Variants in CMA1 observed in about 807,000 individuals in gnomAD.
CMA1 encodes the protein chymase 1.
A neutral mutation model predicts 18.8 loss-of-function variants in CMA1; 24 were observed. The ratio of observed to expected loss-of-function variants is 1.28; its 90% CI spans 0.92 to 1.80. The LOEUF (loss-of-function observed/expected upper bound fraction) is 1.80, where lower values mean the gene tolerates loss of function less well. Among genes scored for constraint, CMA1 ranks in the 40% most tolerant of loss-of-function variants. The pLI is 0.00. For missense variants in CMA1, 421 were observed against 302.8 expected (o/e 1.39, Z -2.90); for synonymous variants, 152 against 117.0 (o/e 1.30, Z -1.93).
Position 24,506,090 on chromosome 14 carries a change from C to A in CMA1, c.538G>T (p.Asp180Tyr). Residue 180 changes from aspartate to tyrosine, a missense_variant, in exon 4 of 5, where the codon GAC becomes TAC. Physicochemically the swap from Asp to Tyr is radical, Grantham distance 160. Transcript: ENST00000250378. ...MDPQACSHFR[D>Y]FDHNLQLCVG... Reference sequence around the variant, plus strand: ...CACAGCTGAAGATTGTGGTCAAAGTCTCTGAAGTGGCTGCAGGCCTGGGGA... The same window carrying A: ...CACAGCTGAAGATTGTGGTCAAAGTATCTGAAGTGGCTGCAGGCCTGGGGA... The A allele has an allele frequency of 1.2e-6, 2 of 1,614,246 alleles. No individual in the cohort carries two copies. Among genetic ancestry groups the A allele is most frequent in the Non-Finnish European group, 8.5e-7 (1 of 1,180,036 alleles).
intron 4 of CMA1, 114 bp from the exon 5 acceptor site, chr14:24,505,773 C>T (rs1161807409): frequency 1.3e-5 from 17 of 1,325,948 alleles, no homozygotes; most frequent in Non-Finnish European, 1.7e-5. Context: ...GGTGGAGCTC[C>T]TCACTTATAC....
intron 2 of CMA1, 53 bp downstream of exon 2, chr14:24,507,303 C>G: frequency 6.2e-7 from 1 of 1,608,042 alleles, no homozygotes; most frequent in South Asian, 1.1e-5. Context: ...TTCCTGGATG[C>G]TACTCTGGTT....
rs747715956 is a variant in CMA1, at chr14:24,506,543, G to A, written c.271C>T (p.Leu91Phe). Residue 91 changes from leucine (L) to phenylalanine (F), a missense_variant, in exon 3 of 5, where the codon CTT becomes TTT. By Grantham distance (22) the Leu-to-Phe change is conservative. Coordinates refer to ENST00000250378, the MANE Select transcript of CMA1 (RefSeq NM_001836.5). ...TGACGGAATTGCTTTATAACCTCAA[G>A]CTTCTGCCATGTGTCTTCTTCCTCT... is the stretch of plus-strand genomic sequence containing the variant. ...ITEEEDTWQK[L>F]EVIKQFRHPK... The A allele has an allele frequency of 1.1e-5, 17 of 1,613,878 alleles. No homozygotes were observed. Among genetic ancestry groups the A allele is most frequent in the Non-Finnish European group, 1.1e-5 (13 of 1,179,858 alleles).
intron 2 of CMA1, 140 bp downstream of exon 2, chr14:24,507,216 T>G: frequency 1.0e-6 from 1 of 968,086 alleles, no homozygotes; most frequent in Non-Finnish European, 1.6e-6. Flanking sequence ...CAGACTAAAG[T>G]CTTTCAGCCC....
In CMA1 at chr14:24,506,294, A is replaced by G; in HGVS notation, c.346-12T>C. 6.2e-7 allele frequency: 1 copy of G among 1,612,728 alleles called. No individual in the cohort carries two copies. The highest frequency in any genetic ancestry group is 2.2e-5 in the East Asian group (1 of 44,862). ...GCTTTCTCCTTCAACTGTGAAGGGA[A>G]TGAAGGACTGTCAGTCCTCGAAATG... On this transcript the variant is annotated splice_polypyrimidine_tract_variant and intron_variant, in intron 3 of 4. Coordinates refer to ENST00000250378, the MANE Select transcript of CMA1 (RefSeq NM_001836.5).
At chr14:24,507,256 A>C (rs2043865103) in intron 2 of CMA1, 100 bp downstream of exon 2, 2 of 1,415,776 alleles carry the variant, frequency 1.4e-6, no homozygotes, top group East Asian at 4.6e-5. Flanking sequence ...AGTTGACAAG[A>C]CCCAGGACCC....
chr14:24,507,540 CATAG>C, intron 1 of CMA1, 34 bp from the exon 2 acceptor site: 1 of 1,589,858 alleles, frequency 6.3e-7, no homozygotes, highest in South Asian at 1.2e-5. Flanking sequence ...TGAACACGGC[CATAG>C]ATACTCTCTC....
rs756609116 is a variant in CMA1, at chr14:24,506,142, C to T, written c.486G>A (p.Leu162=). Residue 162 remains leucine, a synonymous_variant, in exon 4 of 5, where the codon CTG becomes CTA. Coordinates refer to ENST00000250378, the MANE Select transcript of CMA1 (RefSeq NM_001836.5). ...TGVLKPGSDT[L]QEVKLRLMDP... ...CCATGAGTCTCAGCTTCACCTCTTG[C>T]AGAGTGTCTGAGCCCGGCTTCAACA... 2.5e-6 allele frequency: 4 copies of T among 1,614,198 alleles called. No individual in the cohort carries two copies. Among genetic ancestry groups the T allele is most frequent in the Non-Finnish European group, 3.4e-6 (4 of 1,180,044 alleles).
In CMA1 at chr14:24,507,426, G is replaced by C; in HGVS notation, c.139C>G (p.Pro47Ala). The change falls in exon 2 of 5, where the codon CCC (proline) becomes GCC (alanine). Residue 47 changes from proline (P) to alanine (A), a missense_variant. Coordinates refer to ENST00000250378, the MANE Select transcript of CMA1 (RefSeq NM_001836.5). ...AYLEIVTSNGPSKFCGGFLIR... is the reference protein window; with the variant it reads ...AYLEIVTSNGASKFCGGFLIR... Reference sequence around the variant, plus strand: ...AGGAAACCACCACAAAATTTTGAGGGACCGTTGGAAGTTACAATTTCCAGG... The same window carrying C: ...AGGAAACCACCACAAAATTTTGAGGCACCGTTGGAAGTTACAATTTCCAGG... 6.2e-7 allele frequency: 1 copy of C among 1,614,168 alleles called. No homozygotes were observed. The highest frequency in any genetic ancestry group is 8.5e-7 in the Non-Finnish European group (1 of 1,180,026).
In CMA1 at chr14:24,506,522, G is replaced by T; in HGVS notation, c.292C>A (p.Arg98Ser). The T allele has an allele frequency of 1.2e-6, 2 of 1,614,104 alleles. No individual in the cohort carries two copies. Among genetic ancestry groups the T allele is most frequent in the Non-Finnish European group, 1.7e-6 (2 of 1,179,994 alleles). The change falls in exon 3 of 5, where the codon CGT becomes AGT. Residue 98 changes from arginine to serine, a missense_variant. Transcript: ENST00000250378. ...WQKLEVIKQF[R>S]HPKYNTSTLH... Reference sequence around the variant, plus strand: ...GTAGAAGTGTTATATTTTGGATGACGGAATTGCTTTATAACCTCAAGCTTC... The same window carrying T: ...GTAGAAGTGTTATATTTTGGATGACTGAATTGCTTTATAACCTCAAGCTTC...
At chr14:24,507,993 CT>C (rs2043873145) in intron 1 of CMA1, 184 bp downstream of exon 1, 1 of 566,904 alleles carries the variant, frequency 1.8e-6, no homozygotes, top group Non-Finnish European at 3.0e-6. Flanking sequence ...CTGTCCTAGG[CT>C]GTAGAGAATG....
At chr14:24,507,268 C>T (rs534371547) in intron 2 of CMA1, 88 bp downstream of exon 2, 3 of 1,506,540 alleles carry the variant, frequency 2.0e-6, no homozygotes, top group East Asian at 2.3e-5. Context: ...CCAGGACCCC[C>T]TCTTCAGTCC....
intron 3 of CMA1, 54 bp from the exon 4 acceptor site, chr14:24,506,336 A>C: frequency 6.3e-7 from 1 of 1,599,296 alleles, no homozygotes; most frequent in Non-Finnish European, 8.5e-7. Flanking sequence ...GGACAGTTGG[A>C]GGTGATCAGG....
rs2043860851 is a variant in CMA1 at position 24,506,724 on chromosome 14, A to G, written c.210-120T>C. 13 of 1,250,470 alleles carry G rather than the reference A, an allele frequency of 1.0e-5. No individual in the cohort carries two copies. The South Asian group carries it at 1.2e-4, about 11-fold the overall frequency. The allele number at this position is 1,250,470 out of a possible 1,614,324, so 77.5% of individuals were successfully genotyped here. A position where few individuals can be genotyped will look rare whatever the true frequency, so the allele number is the denominator to read the frequency against. ...GTCACTGGGTCGCCGGACTCTACCC[A>G]TCTCCCTTTTCATGGGCCACTTGTG... On this transcript the variant is annotated intron_variant, in intron 2 of 4. Coordinates refer to ENST00000250378, the MANE Select transcript of CMA1 (RefSeq NM_001836.5).
chr14:24,505,435 G>A lies in CMA1; in HGVS notation c.*81C>T. ...TTAGGGTTGTGGCTGAGGGACCAAG[G>A]GTAGACCAGAATGAGTGGCACACAC... On this transcript the variant is annotated 3_prime_UTR_variant, in exon 5 of 5. Transcript: ENST00000250378. 1.3e-6 allele frequency: 2 copies of A among 1,582,994 alleles called. No individual in the cohort carries two copies. The highest frequency in any genetic ancestry group is 1.7e-6 in the Non-Finnish European group (2 of 1,153,432).
rs1482449807 is a variant in CMA1 at position 24,507,442 on chromosome 14, A to G, written c.123T>C (p.Ile41=). The G allele has an allele frequency of 6.2e-7, 1 of 1,614,046 alleles. No homozygotes were observed. The highest frequency in any genetic ancestry group is 8.5e-7 in the Non-Finnish European group (1 of 1,180,032). ...ATTTTGAGGGACCGTTGGAAGTTAC[A>G]ATTTCCAGGTAGGCCATGTAGGGGC... The part of the protein sequence containing the change: ...HSRPYMAYLE[I]VTSNGPSKFC... The change falls in exon 2 of 5, where the codon ATT becomes ATC. Residue 41 remains isoleucine, a synonymous_variant. Coordinates refer to ENST00000250378, the MANE Select transcript of CMA1 (RefSeq NM_001836.5).
chr14:24,505,402 C>G lies in CMA1; in HGVS notation c.*114G>C. 2 of 1,373,824 alleles carry G rather than the reference C, an allele frequency of 1.5e-6. No homozygotes were observed. Among genetic ancestry groups the G allele is most frequent in the South Asian group, 2.4e-5 (2 of 82,912 alleles). The allele number at this position is 1,373,824 out of a possible 1,614,324, so 85.1% of individuals were successfully genotyped here. A position where few individuals can be genotyped will look rare whatever the true frequency, so the allele number is the denominator to read the frequency against. ...GAGTTCTGTGACCTGTAGGATACTT[C>G]TGGAGGCTTAGGGTTGTGGCTGAGG... On this transcript the variant is annotated 3_prime_UTR_variant, in exon 5 of 5. Transcript: ENST00000250378.
chr14:24,505,797 G>T, intron 4 of CMA1, 138 bp from the exon 5 acceptor site: 1 of 1,191,640 alleles, frequency 8.4e-7, no homozygotes, highest in Non-Finnish European at 1.2e-6. Context: ...TAGTTCTGAT[G>T]CCCCTTCTTC....
chr14:24,508,017 GGT>G, intron 1 of CMA1, 159 bp downstream of exon 1: 2 of 642,810 alleles, frequency 3.1e-6, no homozygotes, highest in African/African-American at 3.7e-5. Context: ...AGTGGGTGGG[GGT>G]GGGGGTGGGG....
Sources: allele counts gnomAD v4.1 joint callset, GRCh38; gene constraint gnomAD v4.1.1; transcripts MANE v1.5; gene names NCBI Gene and HGNC (gene_info 2026-07-23, HGNC 2026-07-21).